The following XKR4 variants were observed in gnomAD, a reference collection of about 807,000 sequenced individuals.
XKR4 encodes XK-related protein 4.
Under a neutral mutation model 53.9 loss-of-function variants are expected in XKR4, and 12 were observed. That is an observed-to-expected ratio of 0.22 (90% CI 0.14 to 0.36). The LOEUF is 0.36. Among genes scored for constraint, XKR4 ranks in the 10% least tolerant of loss-of-function variants. The pLI is 1.00. For missense variants in XKR4, 799 were observed against 859.5 expected, an observed-to-expected ratio of 0.93 and a Z score of 0.88; for synonymous variants, 354 against 362.4, an observed-to-expected ratio of 0.98 and a Z score of 0.26.
At chr8:55,299,542 T>G (rs138228874) in intron 1 of XKR4, among the ~76,000 whole-genome samples, 56 of 152,280 alleles carry the variant, frequency 3.7e-4, no homozygotes, top group African/African-American at 1.3e-3. Context: ...TTAAAGATAA[T>G]TTAGTGACGA....
chr8:55,182,940 T>C (rs1585924534), intron 1 of XKR4, among the ~76,000 whole-genome samples: 1 of 152,086 alleles, frequency 6.6e-6, no homozygotes, highest in South Asian at 2.1e-4. Context: ...ATGGTATCTC[T>C]CTCCATTTAT....
intron 1 of XKR4, among the ~76,000 whole-genome samples, chr8:55,145,125 C>T (rs1051573310): frequency 6.6e-6 from 1 of 152,146 alleles, no homozygotes; most frequent in African/African-American, 2.4e-5. Flanking sequence ...AGCCACCACA[C>T]CTGGCCTAGT....
chr8:55,240,956 G>T (rs1433663008), intron 1 of XKR4, among the ~76,000 whole-genome samples: 1 of 152,166 alleles, frequency 6.6e-6, no homozygotes, highest in African/African-American at 2.4e-5. Flanking sequence ...AGGACTACTT[G>T]GCCCTGTCTT....
intron 2 of XKR4, among the ~76,000 whole-genome samples, chr8:55,456,325 A>C (rs973321179): frequency 1.3e-5 from 2 of 152,108 alleles, no homozygotes; most frequent in African/African-American, 4.8e-5. Flanking sequence ...CAGCTACTGG[A>C]GAGGCTGAGG....
chr8:55,490,971 T>C (rs1485563467), intron 2 of XKR4, among the ~76,000 whole-genome samples: 8 of 151,770 alleles, frequency 5.3e-5, no homozygotes, highest in Non-Finnish European at 1.2e-4. Context: ...ACACAAGTGA[T>C]AGACAGTTTG....
chr8:55,411,804 G>A (rs750760722), intron 2 of XKR4, among the ~76,000 whole-genome samples: 2 of 152,256 alleles, frequency 1.3e-5, no homozygotes, highest in East Asian at 1.9e-4. Flanking sequence ...CTCAGTGGGC[G>A]CCTGAGCCCC....
chr8:55,217,224 A>T (rs919726250), intron 1 of XKR4, among the ~76,000 whole-genome samples: 2 of 131,904 alleles, frequency 1.5e-5, no homozygotes, highest in Non-Finnish European at 3.2e-5. Context: ...CCTGGGCAAC[A>T]GAGCGAGACT....
intron 2 of XKR4, among the ~76,000 whole-genome samples, chr8:55,472,529 C>T (rs1399529166): frequency 6.6e-6 from 1 of 151,998 alleles, no homozygotes; most frequent in African/African-American, 2.4e-5. Context: ...AAGGGCTGAC[C>T]CCAGTTCAGT....
intron 1 of XKR4, among the ~76,000 whole-genome samples, chr8:55,281,807 G>T (rs1364636775): frequency 1.3e-5 from 2 of 152,196 alleles, no homozygotes; most frequent in African/African-American, 4.8e-5. Context: ...TACCAGGAAA[G>T]ACTGCTTCAC....
intron 1 of XKR4, among the ~76,000 whole-genome samples, chr8:55,194,735 A>G (rs528146534): frequency 1.3e-5 from 2 of 152,158 alleles, no homozygotes; most frequent in Non-Finnish European, 2.9e-5. Context: ...GGAGCCCTCT[A>G]ATAGCCCTGG....
At chr8:55,278,639 A>G (rs1818796776) in intron 1 of XKR4, among the ~76,000 whole-genome samples, 1 of 152,204 alleles carries the variant, frequency 6.6e-6, no homozygotes, top group Admixed American at 6.5e-5. Context: ...TTTGAATATT[A>G]CAATAGATTA....
chr8:55,373,025 C>A (rs1804091572), intron 2 of XKR4, among the ~76,000 whole-genome samples: 1 of 152,188 alleles, frequency 6.6e-6, no homozygotes, highest in African/African-American at 2.4e-5. Flanking sequence ...GCCCTGATTG[C>A]AGAAGGACAG....
intron 2 of XKR4, among the ~76,000 whole-genome samples, chr8:55,436,228 A>C (rs2129394212): frequency 6.6e-6 from 1 of 152,292 alleles, no homozygotes; most frequent in Non-Finnish European, 1.5e-5. Context: ...ACAAATGCCT[A>C]GGTGCTTTAC....
chr8:55,271,661 G>C (rs2129372621), intron 1 of XKR4, among the ~76,000 whole-genome samples: 1 of 152,372 alleles, frequency 6.6e-6, no homozygotes, highest in Admixed American at 6.5e-5. Context: ...GCCAGGGGCA[G>C]CTGGAGGCAG....
At chr8:55,239,522 C>G (rs1447165020) in intron 1 of XKR4, among the ~76,000 whole-genome samples, 1 of 152,164 alleles carries the variant, frequency 6.6e-6, no homozygotes, top group Non-Finnish European at 1.5e-5. Context: ...ACTGCACTAC[C>G]TTTTGTCTCT....
chr8:55,170,422 G>A (rs1042242876), intron 1 of XKR4, among the ~76,000 whole-genome samples: 1 of 152,110 alleles, frequency 6.6e-6, no homozygotes, highest in Admixed American at 6.6e-5. Context: ...GGAGGTATGG[G>A]GACATGAGCC....
chr8:55,476,141 G>T (rs1805980948), intron 2 of XKR4, among the ~76,000 whole-genome samples: 1 of 152,030 alleles, frequency 6.6e-6, no homozygotes, highest in South Asian at 2.1e-4. Flanking sequence ...GTGGGTAGTA[G>T]GTAGAGCCTC....
At chr8:55,147,604 G>T (rs1252445785) in intron 1 of XKR4, among the ~76,000 whole-genome samples, 1 of 152,176 alleles carries the variant, frequency 6.6e-6, no homozygotes, top group Non-Finnish European at 1.5e-5. Context: ...TGGCCTGCTT[G>T]TCCCTTTCCC....
chr8:55,240,732 T>A (rs1471967396), intron 1 of XKR4, among the ~76,000 whole-genome samples: 2 of 152,156 alleles, frequency 1.3e-5, no homozygotes, highest in Non-Finnish European at 2.9e-5. Context: ...GAGAAAGAGC[T>A]TTTCATAAGT....
Sources: allele counts gnomAD v4.1 joint callset (sites outside exome capture counted in the v4.1 genomes callset), GRCh38; gene constraint gnomAD v4.1.1; transcripts MANE v1.5; gene names NCBI Gene and HGNC (gene_info 2026-07-23, HGNC 2026-07-21).